The following PLPP3 variants were observed in gnomAD, a reference collection of about 807,000 sequenced individuals.
PLPP3 encodes the protein PAP2 beta.
A neutral mutation model predicts 29.6 loss-of-function variants in PLPP3; 6 were observed. The ratio of observed to expected loss-of-function variants is 0.20; its 90% confidence interval spans 0.11 to 0.40. The LOEUF (loss-of-function observed/expected upper bound fraction) is 0.40. PLPP3 is among the 10% of genes least tolerant of loss of function. The probability of loss-of-function intolerance (pLI) is 1.00; values close to 1 mark genes in which losing one functional copy is unlikely to be tolerated. For synonymous variants in PLPP3, 152 were observed against 159.7 expected (o/e 0.95, Z 0.36); for missense variants, 308 against 407.7 (o/e 0.76, Z 2.11).
intron 2 of PLPP3, 68 bp downstream of exon 2, chr1:56,536,887 C>T: frequency 2.5e-6 from 4 of 1,571,544 alleles, no homozygotes; most frequent in Non-Finnish European, 3.5e-6. Context: ...TTGGCTCAGA[C>T]ATTCTATAAT....
chr1:56,557,001 A>G (rs866941814), intron 1 of PLPP3, among the ~76,000 whole-genome samples: 114 of 7,436 alleles, frequency 0.015, 3 homozygotes, highest in Admixed American at 0.023. Context: ...AAAGAAAGAA[A>G]GAAAGAAAGA....
chr1:56,554,581 A>G (rs1400981990), intron 1 of PLPP3, among the ~76,000 whole-genome samples: 1 of 152,038 alleles, frequency 6.6e-6, no homozygotes, highest in East Asian at 1.9e-4. Context: ...CAAAAAAAAA[A>G]AAAAAAGAAA....
chr1:56,545,645 C>G (rs538101898), intron 1 of PLPP3, among the ~76,000 whole-genome samples: 63 of 152,270 alleles, frequency 4.1e-4, no homozygotes, highest in African/African-American at 1.4e-3. Context: ...TCACATGATG[C>G]TGTATCGGAG....
chr1:56,505,729 T>G lies in PLPP3; in HGVS notation c.810+6247A>C, dbSNP rs188690095. On this transcript the variant is annotated intron_variant, in intron 5 of 5. Transcript: ENST00000371250. ...TAATACATAAAACATACAAAACATA[T>G]GTTAATTGACTGTTTATGTTATCAG... 2.4e-3 allele frequency among the ~76,000 whole-genome samples: 367 copies of G among 152,324 alleles called. 1 individual carries two copies. The highest frequency in any genetic ancestry group is 8.4e-3 in the African/African-American group (348 of 41,572).
intron 2 of PLPP3, among the ~76,000 whole-genome samples, chr1:56,532,624 TGGAGCATAGTTG>T (rs1645897424): frequency 6.6e-6 from 1 of 152,154 alleles, no homozygotes; most frequent in Non-Finnish European, 1.5e-5. Flanking sequence ...ATGTGCCTCC[TGGAGCATAGTTG>T]AGATTTTAAG....
At chr1:56,523,799 T>C in intron 4 of PLPP3, 24 bp downstream of exon 4, 1 of 1,607,366 alleles carries the variant, frequency 6.2e-7, no homozygotes, top group Non-Finnish European at 8.5e-7. Context: ...TGAGCACTGC[T>C]CAAATCAAAG....
chr1:56,511,941 C>T (rs1390324338), intron 5 of PLPP3, 35 bp downstream of exon 5: 1 of 1,610,082 alleles, frequency 6.2e-7, no homozygotes, highest in Admixed American at 1.7e-5. Flanking sequence ...CAGTCCAGGG[C>T]TCCACTTGCA....
chr1:56,568,719 G>A (rs1243011997), intron 1 of PLPP3, among the ~76,000 whole-genome samples: 2 of 152,126 alleles, frequency 1.3e-5, no homozygotes, highest in South Asian at 2.1e-4. Context: ...TCCGCCTCCC[G>A]GGTTCAAGCA....
At position 56,496,388 on chromosome 1, in the gene PLPP3, C is replaced by G. The variant is rs1273203912; in HGVS notation, c.*163G>C. ...GTTGTTTCCACATAGGCAAACACTACCTATTTTGGAAGGCCACATAGTAAA... is the reference window on the plus strand; with the variant it reads ...GTTGTTTCCACATAGGCAAACACTAGCTATTTTGGAAGGCCACATAGTAAA... On this transcript the variant is annotated 3_prime_UTR_variant, in exon 6 of 6. Transcript: ENST00000371250. The G allele has an allele frequency of 1.3e-6, 1 of 752,972 alleles. No homozygotes were observed. Among genetic ancestry groups the G allele is most frequent in the African/African-American group, 1.8e-5 (1 of 56,174 alleles). 46.6% of individuals were successfully genotyped at this position (752,972 alleles called of 1,614,324 possible).
intron 1 of PLPP3, among the ~76,000 whole-genome samples, chr1:56,557,012 G>GGAAAGAAAGAAAAGAA (rs1557513521): frequency 2.2e-4 from 2 of 9,122 alleles, no homozygotes; most frequent in African/African-American, 6.2e-4. Context: ...GAAAGAAAGA[G>GGAAAGAAAGAAAAGAA]AGAGAGAGAG....
At chr1:56,545,916 C>G (rs575741602) in intron 1 of PLPP3, among the ~76,000 whole-genome samples, 1 of 151,964 alleles carries the variant, frequency 6.6e-6, no homozygotes, top group Non-Finnish European at 1.5e-5. Context: ...TATGGGAGGC[C>G]CTGCAAGAAC....
intron 1 of PLPP3, among the ~76,000 whole-genome samples, chr1:56,551,279 G>GTTTGGTTTGGTTTGGTTTGGTTTGGTGT (rs140430491): frequency 7.4e-6 from 1 of 135,924 alleles, no homozygotes; most frequent in Non-Finnish European, 1.6e-5. Context: ...TCTGGGTTTG[G>GTTTGGTTTGGTTTGGTTTGGTTTGGTGT]GGTTTGGTTT....
At position 56,524,029 on chromosome 1, in the gene PLPP3, G is replaced by A. The variant is rs750097724; in HGVS notation, c.576-149C>T. Reference sequence around the variant, plus strand: ...ATCCTTGGTAGTGCTTTGGACCCATGCCTGGAACATAGCAGGCACCTATGA... The same window carrying A: ...ATCCTTGGTAGTGCTTTGGACCCATACCTGGAACATAGCAGGCACCTATGA... On this transcript the variant is annotated intron_variant, in intron 3 of 5. Coordinates refer to ENST00000371250, the MANE Select transcript of PLPP3 (RefSeq NM_003713.5). The surrounding 1 kb of genome is among the most constrained non-coding windows in gnomAD (Gnocchi z 4.3). 1 of 978,720 alleles carries A rather than the reference G, an allele frequency of 1.0e-6. No homozygotes were observed. Among genetic ancestry groups the A allele is most frequent in the Non-Finnish European group, 1.5e-6 (1 of 657,504 alleles). 60.6% of individuals were successfully genotyped at this position (978,720 alleles called of 1,614,324 possible).
intron 1 of PLPP3, among the ~76,000 whole-genome samples, chr1:56,556,401 T>G (rs1237142335): frequency 6.6e-6 from 1 of 152,176 alleles, no homozygotes; most frequent in Non-Finnish European, 1.5e-5. Flanking sequence ...ATTTTAATTA[T>G]GAAGACTATT....
At chr1:56,540,695 A>C (rs890501921) in intron 1 of PLPP3, among the ~76,000 whole-genome samples, 1 of 152,120 alleles carries the variant, frequency 6.6e-6, no homozygotes, top group African/African-American at 2.4e-5. Context: ...TCTCCCCTAT[A>C]AACTTGTGGT....
chr1:56,541,130 AT>A (rs1645966232), intron 1 of PLPP3, among the ~76,000 whole-genome samples: 1 of 152,192 alleles, frequency 6.6e-6, no homozygotes, highest in South Asian at 2.1e-4. Context: ...CACAAAGACT[AT>A]TCTACTAGAG....
At chr1:56,503,135 C>T (rs1268240570) in intron 5 of PLPP3, among the ~76,000 whole-genome samples, 1 of 151,772 alleles carries the variant, frequency 6.6e-6, no homozygotes, top group Non-Finnish European at 1.5e-5. Context: ...ATTTTTTGAC[C>T]TCAATAAAGG....
intron 1 of PLPP3, among the ~76,000 whole-genome samples, chr1:56,561,769 T>A (rs1030710531): frequency 1.3e-5 from 2 of 152,054 alleles, no homozygotes; most frequent in African/African-American, 4.8e-5. Flanking sequence ...GCACGGTGGC[T>A]CACGCCTGTA....
intron 1 of PLPP3, among the ~76,000 whole-genome samples, chr1:56,544,252 T>C (rs908502994): frequency 6.6e-6 from 1 of 152,172 alleles, no homozygotes; most frequent in Non-Finnish European, 1.5e-5. Context: ...TTTTAAAGGG[T>C]TGCCACATTC....
Sources: gnomAD v4.1 joint callset for allele counts (sites outside exome capture counted in the v4.1 genomes callset) on GRCh38, gnomAD v4.1.1 for gene constraint, Gnocchi (gnomAD v3.1) non-coding constraint, MANE v1.5 for transcripts, NCBI Gene and HGNC (gene_info 2026-07-23, HGNC 2026-07-21) for gene names.